Variants in OR10J1 observed in about 807,000 individuals in gnomAD.
OR10J1 encodes the protein olfactory receptor 10J1.
For synonymous variants in OR10J1, 202 were observed against 143.8 expected (o/e 1.40, Z -2.89); for missense variants, 474 against 376.6 (o/e 1.26, Z -2.14).
At position 159,440,079 on chromosome 1, in the gene OR10J1, G is replaced by C. The variant is rs1479636180; in HGVS notation, c.288G>C (p.Gly96=). ...VGMSQPISLA[G]CATQMFFFVT... ...TGAGCCAGCCCATATCATTGGCAGG[G>C]TGTGCCACACAGATGTTCTTTTTTG... is the stretch of plus-strand genomic sequence containing the variant. Residue 96 remains glycine (G), a synonymous_variant, in exon 1 of 1, where the codon GGG becomes GGC. Coordinates refer to ENST00000423932, the MANE Select transcript of OR10J1 (RefSeq NM_012351.3). The C allele has an allele frequency of 1.2e-6, 2 of 1,613,982 alleles. No homozygotes were observed. Among genetic ancestry groups the C allele is most frequent in the Non-Finnish European group, 1.7e-6 (2 of 1,180,024 alleles).
At chr1:159,433,279 T>C (rs1235421128), upstream of OR10J1, 1 of 396,288 alleles carries the variant, frequency 2.5e-6, no homozygotes, top group Admixed American at 4.4e-5. Flanking sequence ...CCTCATAGAT[T>C]GAAAAAAGAA....
the OR10J1 span, among the ~76,000 whole-genome samples, chr1:159,408,651 A>T: frequency 6.6e-6 from 1 of 152,018 alleles, no homozygotes; most frequent in African/African-American, 2.4e-5. Flanking sequence ...ATAAATTCTC[A>T]TTCCACCTGG....
At chr1:159,413,835 A>G in the OR10J1 span, among the ~76,000 whole-genome samples, 3 of 151,612 alleles carry the variant, frequency 2.0e-5, no homozygotes. Context: ...AACTTAAAGT[A>G]TAATAATAAT....
In OR10J1 at chr1:159,440,904, C is replaced by T; in HGVS notation, c.*183C>T. On this transcript the variant is annotated 3_prime_UTR_variant, in exon 1 of 1. Transcript: ENST00000423932. ...TAAAGTTACTGGATGGAGTGTTATC[C>T]CTATTTTTGGGGATAAATAGACAAA... is the stretch of plus-strand genomic sequence containing the variant. 2 of 589,730 alleles carry T rather than the reference C, an allele frequency of 3.4e-6. No individual in the cohort carries two copies. The highest frequency in any genetic ancestry group is 2.8e-6 in the Non-Finnish European group (1 of 356,466). 36.5% of individuals were successfully genotyped at this position (589,730 alleles called of 1,614,324 possible).
chr1:159,428,997 C>T, the OR10J1 span, among the ~76,000 whole-genome samples: 4 of 152,174 alleles, frequency 2.6e-5, no homozygotes, highest in South Asian at 2.1e-4. Context: ...ATTTGATATC[C>T]AATTCTCTTC....
At chr1:159,421,315 T>TA in the OR10J1 span, among the ~76,000 whole-genome samples, 1 of 152,174 alleles carries the variant, frequency 6.6e-6, no homozygotes, top group South Asian at 2.1e-4. Context: ...TCTGATTTTT[T>TA]ATATTGTTTT....
the OR10J1 span, among the ~76,000 whole-genome samples, chr1:159,431,643 A>G: frequency 6.6e-6 from 1 of 152,226 alleles, no homozygotes; most frequent in Admixed American, 6.5e-5. Flanking sequence ...CGCTGACTTT[A>G]TAATAGTGCG....
chr1:159,425,680 T>C, the OR10J1 span, among the ~76,000 whole-genome samples: 1 of 152,182 alleles, frequency 6.6e-6, no homozygotes, highest in East Asian at 1.9e-4. Context: ...TAATAATGTA[T>C]GTTCTGAAAA....
At chr1:159,429,506 T>C in the OR10J1 span, among the ~76,000 whole-genome samples, 2 of 152,200 alleles carry the variant, frequency 1.3e-5, no homozygotes, top group Admixed American at 1.3e-4. Context: ...CACGGAGCAG[T>C]CCAGGACCTT....
At chr1:159,418,119 A>C in the OR10J1 span, among the ~76,000 whole-genome samples, 1 of 152,224 alleles carries the variant, frequency 6.6e-6, no homozygotes, top group East Asian at 1.9e-4. Flanking sequence ...GCAACATAAA[A>C]GTTCAGAAAA....
the OR10J1 span, among the ~76,000 whole-genome samples, chr1:159,398,597 T>A: frequency 6.6e-6 from 1 of 152,126 alleles, no homozygotes; most frequent in Non-Finnish European, 1.5e-5. Flanking sequence ...ATTCCAGTGC[T>A]GAAAAATGCA....
the OR10J1 span, among the ~76,000 whole-genome samples, chr1:159,400,072 A>T: frequency 6.6e-6 from 1 of 152,140 alleles, no homozygotes; most frequent in African/African-American, 2.4e-5. Flanking sequence ...CAACAGAAAA[A>T]ATCATCTTTA....
the OR10J1 span, among the ~76,000 whole-genome samples, chr1:159,417,955 G>C: frequency 2.0e-5 from 3 of 152,180 alleles, no homozygotes; most frequent in Admixed American, 2.0e-4. Context: ...TTTTAGCAAA[G>C]AGACTTGCAT....
chr1:159,434,534 A>G (rs1471899635), upstream of OR10J1, among the ~76,000 whole-genome samples: 4 of 152,202 alleles, frequency 2.6e-5, 1 homozygote, highest in Non-Finnish European at 2.9e-5. Flanking sequence ...ACTGAAGAAC[A>G]GTTATTGTTT....
chr1:159,397,626 G>A, the OR10J1 span, among the ~76,000 whole-genome samples: 1 of 152,284 alleles, frequency 6.6e-6, no homozygotes, highest in East Asian at 1.9e-4. Flanking sequence ...ACTCCTCATG[G>A]CCATGGGCGG....
At chr1:159,410,114 G>A in the OR10J1 span, among the ~76,000 whole-genome samples, 1 of 152,058 alleles carries the variant, frequency 6.6e-6, no homozygotes, top group Non-Finnish European at 1.5e-5. Flanking sequence ...ATTTTATTGA[G>A]GATTTTTGCA....
At chr1:159,420,353 G>A in the OR10J1 span, among the ~76,000 whole-genome samples, 5 of 152,140 alleles carry the variant, frequency 3.3e-5, no homozygotes, top group Admixed American at 6.5e-5. Context: ...GCATATTCCT[G>A]TAATTTTATT....
the OR10J1 span, among the ~76,000 whole-genome samples, chr1:159,426,287 A>C: frequency 6.6e-6 from 1 of 151,918 alleles, no homozygotes; most frequent in Non-Finnish European, 1.5e-5. Context: ...TTAATAATCT[A>C]CCACTTCAAT....
chr1:159,421,328 G>A, the OR10J1 span, among the ~76,000 whole-genome samples: 1 of 151,694 alleles, frequency 6.6e-6, no homozygotes, highest in Non-Finnish European at 1.5e-5. Flanking sequence ...ATTGTTTTCA[G>A]TCATCTCTTT....
Sources: gnomAD v4.1 joint callset for allele counts (sites outside exome capture counted in the v4.1 genomes callset) on GRCh38, gnomAD v4.1.1 for gene constraint, MANE v1.5 for transcripts, NCBI Gene and HGNC (gene_info 2026-07-23, HGNC 2026-07-21) for gene names.